C1orf21: variants seen among roughly 807,000 people sequenced by gnomAD.
C1orf21 encodes the protein chromosome 1 open reading frame 21, also known as uncharacterized protein C1orf21.
A neutral mutation model predicts 18.7 loss-of-function variants in C1orf21; 3 were observed. That is an observed-to-expected ratio of 0.16 (90% CI 0.07 to 0.42). The LOEUF (loss-of-function observed/expected upper bound fraction) is 0.42. Ranked by LOEUF, C1orf21 falls within the 10% of genes least tolerant of loss-of-function variation. C1orf21 has a pLI of 0.99. For missense variants in C1orf21, 104 were observed against 143.6 expected, an observed-to-expected ratio of 0.72 and a Z score of 1.41; for synonymous variants, 41 against 46.4, an observed-to-expected ratio of 0.88 and a Z score of 0.47.
intron 2 of C1orf21, among the ~76,000 whole-genome samples, chr1:184,492,801 G>C (rs1657834711): frequency 1.3e-5 from 2 of 152,216 alleles, no homozygotes; most frequent in African/African-American, 4.8e-5. Context: ...TGTGGTAGAA[G>C]TCAGGGTAGG....
At chr1:184,616,512 G>A (rs1441552347) in intron 5 of C1orf21, among the ~76,000 whole-genome samples, 1 of 152,226 alleles carries the variant, frequency 6.6e-6, no homozygotes, top group East Asian at 1.9e-4. Flanking sequence ...AGAGTCCTGT[G>A]TTTACAAAGA....
Position 184,411,688 on chromosome 1 carries a change from C to T in C1orf21, c.-125+24320C>T, listed in dbSNP as rs889229702. 3.9e-5 allele frequency among the ~76,000 whole-genome samples: 6 copies of T among 152,104 alleles called. No homozygotes were observed. In the South Asian group the frequency reaches 1.2e-3, roughly 32 times the overall value. ...CCGCCCGCCTTGGCCTCCCAAAGTG[C>T]TGGGATTGCAGGCGTGAGCCACCGC... On this transcript the variant is annotated intron_variant, in intron 1 of 5. Coordinates refer to ENST00000235307, the MANE Select transcript of C1orf21 (RefSeq NM_030806.4).
intron 5 of C1orf21, among the ~76,000 whole-genome samples, chr1:184,618,112 G>T (rs1659859887): frequency 1.3e-5 from 2 of 151,984 alleles, no homozygotes; most frequent in South Asian, 2.1e-4. Context: ...GTTTCACCAT[G>T]TTGGTCAGGC....
intron 2 of C1orf21, among the ~76,000 whole-genome samples, chr1:184,505,356 ATATATAGACATG>A (rs1658044257): frequency 7.8e-6 from 1 of 128,546 alleles, no homozygotes; most frequent in African/African-American, 3.0e-5. Flanking sequence ...CATGCCATAT[ATATATAGACATG>A]TATATATTCA....
intron 4 of C1orf21, among the ~76,000 whole-genome samples, chr1:184,591,529 G>A (rs1026490694): frequency 4.6e-5 from 7 of 152,154 alleles, no homozygotes; most frequent in Non-Finnish European, 1.0e-4. Context: ...AATATAGGTC[G>A]GGCATGGTGG....
At chr1:184,610,765 G>A (rs546613433) in intron 5 of C1orf21, among the ~76,000 whole-genome samples, 44 of 151,268 alleles carry the variant, frequency 2.9e-4, no homozygotes, top group Non-Finnish European at 5.5e-4. Flanking sequence ...GGAGAATGGC[G>A]TGAACCTGGG....
At position 184,626,865 on chromosome 1, in the gene C1orf21, G is replaced by C. The variant is rs1660019805; in HGVS notation, c.*7309G>C. ...GCCACTAAGGCGAAAAATACCGTTT[G>C]GGACCAGGCTGGCCTAGACCCAGGG... On this transcript the variant is annotated 3_prime_UTR_variant, in exon 6 of 6. Transcript: ENST00000235307. The C allele has an allele frequency of 6.6e-6, 1 of 152,544 alleles. No individual in the cohort carries two copies. The highest frequency in any genetic ancestry group is 1.5e-5 in the Non-Finnish European group (1 of 68,048). 9.4% of individuals were successfully genotyped at this position (152,544 alleles called of 1,614,324 possible).
At chr1:184,454,269 G>A (rs1215143883) in intron 1 of C1orf21, among the ~76,000 whole-genome samples, 2 of 152,074 alleles carry the variant, frequency 1.3e-5, no homozygotes, top group Non-Finnish European at 2.9e-5. Context: ...ATGGATAATC[G>A]CTTATCAAGG....
intron 2 of C1orf21, among the ~76,000 whole-genome samples, chr1:184,481,467 A>G (rs1221586269): frequency 2.0e-5 from 3 of 152,178 alleles, no homozygotes; most frequent in Non-Finnish European, 2.9e-5. Flanking sequence ...AGCAGGTCAC[A>G]TGAGTGAGCC....
At chr1:184,611,082 CA>C (rs1444754675) in intron 5 of C1orf21, among the ~76,000 whole-genome samples, 8 of 152,166 alleles carry the variant, frequency 5.3e-5, no homozygotes, top group African/African-American at 1.7e-4. Flanking sequence ...CTGCTCATTA[CA>C]AACGAGACCT....
intron 2 of C1orf21, among the ~76,000 whole-genome samples, chr1:184,506,654 G>A (rs1267096898): frequency 6.6e-6 from 1 of 152,144 alleles, no homozygotes; most frequent in African/African-American, 2.4e-5. Flanking sequence ...CCACAGATTG[G>A]GTTAAGAATG....
chr1:184,423,902 A>C (rs866373220), intron 1 of C1orf21, among the ~76,000 whole-genome samples: 63 of 129,530 alleles, frequency 4.9e-4, no homozygotes, highest in Middle Eastern at 3.8e-3. Flanking sequence ...TCCATCCATC[A>C]ATCTATCATT....
intron 1 of C1orf21, among the ~76,000 whole-genome samples, chr1:184,454,775 A>G (rs770500490): frequency 3.3e-5 from 5 of 152,132 alleles, no homozygotes; most frequent in Non-Finnish European, 7.4e-5. Flanking sequence ...ATGTGCTAGC[A>G]TCATGCTTCC....
At position 184,605,703 on chromosome 1, in the gene C1orf21, G is replaced by A. The variant is rs527377998; in HGVS notation, c.327+7242G>A. ...TCTGGCAGCAGCTGTGTGACCCCAG[G>A]TTAAGTTAAACTCTCTGATTCTCAG... On this transcript the variant is annotated intron_variant, in intron 5 of 5. Coordinates refer to ENST00000235307, the MANE Select transcript of C1orf21 (RefSeq NM_030806.4). Among the ~76,000 whole-genome samples, 11 of 152,278 alleles carry A rather than the reference G, an allele frequency of 7.2e-5. 1 individual carries two copies. In the East Asian group the frequency reaches 9.6e-4, roughly 13 times the overall value.
intron 3 of C1orf21, among the ~76,000 whole-genome samples, chr1:184,577,947 G>GTTTTTTT (rs201196718): frequency 1.6e-4 from 14 of 86,718 alleles, no homozygotes; most frequent in East Asian, 6.6e-4. Context: ...TTTTTGTTTT[G>GTTTTTTT]TTTTTGTTTT....
intron 3 of C1orf21, among the ~76,000 whole-genome samples, chr1:184,560,801 A>G (rs1558003047): frequency 6.6e-6 from 1 of 152,216 alleles, no homozygotes; most frequent in Non-Finnish European, 1.5e-5. Context: ...AGATGCCCCT[A>G]TGAAATTAAT....
intron 3 of C1orf21, among the ~76,000 whole-genome samples, chr1:184,512,816 C>T (rs1211120752): frequency 1.3e-5 from 2 of 151,562 alleles, no homozygotes; most frequent in East Asian, 2.0e-4. Flanking sequence ...CAGTACCAGT[C>T]GGTGGCCTGT....
chr1:184,491,795 T>C (rs1269696272), intron 2 of C1orf21, among the ~76,000 whole-genome samples: 1 of 152,230 alleles, frequency 6.6e-6, no homozygotes, highest in Non-Finnish European at 1.5e-5. Context: ...TCATTTTGCC[T>C]GTTTTCAGCC....
chr1:184,497,744 C>A (rs1657913617), intron 2 of C1orf21, among the ~76,000 whole-genome samples: 1 of 152,182 alleles, frequency 6.6e-6, no homozygotes, highest in Non-Finnish European at 1.5e-5. Flanking sequence ...CCACTGAATT[C>A]TTTCTAAAAG....
Sources: gnomAD v4.1 joint callset for allele counts (sites outside exome capture counted in the v4.1 genomes callset) on GRCh38, gnomAD v4.1.1 for gene constraint, MANE v1.5 for transcripts, NCBI Gene and HGNC (gene_info 2026-07-23, HGNC 2026-07-21) for gene names.